LYZL1: variants seen among roughly 807,000 people sequenced by gnomAD.
The protein encoded by LYZL1 is lysozyme like 1, also known as lysozyme-like protein 1.
In LYZL1, 16 loss-of-function variants were observed where a neutral mutation model predicts 17.9. The ratio of observed to expected loss-of-function variants is 0.90; its 90% CI spans 0.61 to 1.36. The LOEUF is 1.36. Among genes scored for constraint, LYZL1 ranks in the 40% most tolerant of loss-of-function variants. The probability of loss-of-function intolerance (pLI) is 0.00; values close to 1 mark genes in which losing one functional copy is unlikely to be tolerated. For synonymous variants in LYZL1, 58 were observed against 71.8 expected (o/e 0.81, Z 0.97); for missense variants, 149 against 188.4 (o/e 0.79, Z 1.22).
intron 3 of LYZL1, among the ~76,000 whole-genome samples, chr10:29,308,682 G>A (rs1835630363): frequency 6.6e-6 from 1 of 152,242 alleles, no homozygotes; most frequent in Non-Finnish European, 1.5e-5. Context: ...TGTAATAAGT[G>A]GCCAGGCACA....
chr10:29,293,007 T>C (rs1256554287), intron 3 of LYZL1, among the ~76,000 whole-genome samples: 4 of 152,190 alleles, frequency 2.6e-5, no homozygotes, highest in African/African-American at 9.6e-5. Context: ...CTGCTTTCCA[T>C]AAGCAATTCG....
chr10:29,306,245 G>A lies in LYZL1; in HGVS notation c.299-3865G>A, dbSNP rs1218161088. Among the ~76,000 whole-genome samples the A allele has an allele frequency of 3.3e-5, 5 of 152,226 alleles. No individual in the cohort carries two copies. The East Asian group carries it at 9.7e-4, about 29-fold the overall frequency. On this transcript the variant is annotated intron_variant, in intron 3 of 4. Transcript: ENST00000649382. ...TGAGTGGCTATAAAGTATCTGAAATGTAGCTAGAAAAAATAAGGAACTTGG... is the reference window on the plus strand; with the variant it reads ...TGAGTGGCTATAAAGTATCTGAAATATAGCTAGAAAAAATAAGGAACTTGG...
downstream of LYZL1, among the ~76,000 whole-genome samples, chr10:29,311,623 T>C (rs1209080794): frequency 6.6e-6 from 1 of 152,204 alleles, no homozygotes; most frequent in Non-Finnish European, 1.5e-5. Flanking sequence ...AAGTTCTCAG[T>C]TGCATTTTTT....
chr10:29,300,629 C>T (rs10826601), intron 3 of LYZL1, among the ~76,000 whole-genome samples: 59,307 of 151,722 alleles, frequency 0.39, 11,884 homozygotes, highest in African/African-American at 0.5. Flanking sequence ...AGTAGTCAAT[C>T]GATATCACTT....
At chr10:29,306,546 T>A (rs1835594161) in intron 3 of LYZL1, among the ~76,000 whole-genome samples, 2 of 52,164 alleles carry the variant, frequency 3.8e-5, no homozygotes, top group Admixed American at 3.6e-4. Context: ...CGAGACTCCG[T>A]CTCAAAAAAA....
rs555608130 is a variant in LYZL1 at position 29,291,106 on chromosome 10, A to G, written c.-25-737A>G. Among the ~76,000 whole-genome samples the G allele has an allele frequency of 2.7e-4, 40 of 149,704 alleles. No homozygotes were observed. The South Asian group carries it at 8.8e-3, about 33-fold the overall frequency. ...GACGCCTGCTCAGTTGAAAATCTGC[A>G]TGTAACTTTTGACTCCCCAGAAACT... On this transcript the variant is annotated intron_variant, in intron 1 of 4. Transcript: ENST00000649382.
At chr10:29,300,989 TTTTTA>T (rs756326362) in intron 3 of LYZL1, among the ~76,000 whole-genome samples, 14 of 151,936 alleles carry the variant, frequency 9.2e-5, no homozygotes, top group Non-Finnish European at 1.8e-4. Context: ...GCCTGGCTGG[TTTTTA>T]TTTTATTTTT....
chr10:29,312,667 C>A (rs2132840429), downstream of LYZL1, among the ~76,000 whole-genome samples: 1 of 152,228 alleles, frequency 6.6e-6, no homozygotes, highest in South Asian at 2.1e-4. Context: ...TCTCAGACCC[C>A]AAAGCGATAT....
intron 1 of LYZL1, among the ~76,000 whole-genome samples, chr10:29,290,149 A>G (rs12242333): frequency 0.05 from 7,563 of 152,204 alleles, 518 homozygotes; most frequent in African/African-American, 0.16. Context: ...GAGAGAAACT[A>G]ATGACTGGAG....
chr10:29,289,170 C>G lies in LYZL1; in HGVS notation c.-86C>G. 6.2e-7 allele frequency: 1 copy of G among 1,605,984 alleles called. No individual in the cohort carries two copies. The highest frequency in any genetic ancestry group is 2.2e-5 in the East Asian group (1 of 44,636). The stretch of plus-strand genomic sequence containing the variant: ...TCACCGACTAAGTGGAGCAGTGTTT[C>G]TTCCGCAGACTCAACTGAGAAGTCA... On this transcript the variant is annotated 5_prime_UTR_variant, in exon 1 of 5. Coordinates refer to ENST00000649382, the MANE Select transcript of LYZL1 (RefSeq NM_032517.6).
downstream of LYZL1, among the ~76,000 whole-genome samples, chr10:29,311,839 G>A (rs963981305): frequency 4.6e-5 from 7 of 151,948 alleles, no homozygotes; most frequent in Non-Finnish European, 1.0e-4. Context: ...TTAGCCGGGC[G>A]TGGTGGTGCG....
downstream of LYZL1, among the ~76,000 whole-genome samples, chr10:29,313,045 T>C (rs2132840737): frequency 1.3e-5 from 2 of 152,268 alleles, no homozygotes; most frequent in East Asian, 3.9e-4. Context: ...AACTGATGGC[T>C]CCTTTCCTGC....
chr10:29,313,226 A>G (rs574439338), downstream of LYZL1, among the ~76,000 whole-genome samples: 63 of 152,378 alleles, frequency 4.1e-4, no homozygotes, highest in African/African-American at 1.4e-3. Flanking sequence ...TAAGAATTGA[A>G]AAGTAATTTT....
chr10:29,294,193 G>A (rs1187647179), intron 3 of LYZL1, among the ~76,000 whole-genome samples: 2 of 152,048 alleles, frequency 1.3e-5, no homozygotes, highest in African/African-American at 4.8e-5. Flanking sequence ...GTGACATGAA[G>A]AGAATCCCAG....
chr10:29,308,421 T>C (rs1258196195), intron 3 of LYZL1, among the ~76,000 whole-genome samples: 2 of 152,238 alleles, frequency 1.3e-5, no homozygotes, highest in Non-Finnish European at 1.5e-5. Context: ...TCCTGCTTCC[T>C]CCACCCCATT....
At chr10:29,301,969 C>T (rs929127485) in intron 3 of LYZL1, among the ~76,000 whole-genome samples, 8 of 151,572 alleles carry the variant, frequency 5.3e-5, no homozygotes, top group African/African-American at 1.7e-4. Context: ...TTTCAGATAC[C>T]GTATTTTTTA....
In LYZL1 at chr10:29,306,370, G is replaced by A. The variant is rs1183323359; in HGVS notation, c.299-3740G>A. Among the ~76,000 whole-genome samples the A allele has an allele frequency of 1.9e-4, 26 of 140,284 alleles. 1 individual carries two copies. Among genetic ancestry groups the A allele is most frequent in the African/African-American group, 6.8e-4 (26 of 38,092 alleles). The allele number at this position is 140,284 out of a possible 152,430, so 92.0% of individuals were successfully genotyped here. A position where few individuals can be genotyped will look rare whatever the true frequency, so the allele number is the denominator to read the frequency against. On this transcript the variant is annotated intron_variant, in intron 3 of 4. Coordinates refer to ENST00000649382, the MANE Select transcript of LYZL1 (RefSeq NM_032517.6). ...TCGAGACCATCCCGGCTAAAACGGT[G>A]AAACCCCGCCTCTACTAAAAATACA...
chr10:29,289,249 T>TTGTC lies in LYZL1; in HGVS notation c.-26+20_-26+21insGTCT, dbSNP rs752804351. 2.0e-5 allele frequency: 13 copies of TTGTC among 654,798 alleles called. 1 individual carries two copies. Among genetic ancestry groups the TTGTC allele is most frequent in the Non-Finnish European group, 2.3e-5 (12 of 512,944 alleles). 40.6% of individuals were successfully genotyped at this position (654,798 alleles called of 1,614,324 possible). ...CTTTTCAGTAAGACCTAAATTACTC[T>TTGTC]TATGAGAACCAGCAATGGCAGGTTC... On this transcript the variant is annotated intron_variant, in intron 1 of 4. Coordinates refer to ENST00000649382, the MANE Select transcript of LYZL1 (RefSeq NM_032517.6).
chr10:29,291,700 AG>A, intron 1 of LYZL1, 142 bp from the exon 2 acceptor site: 1 of 1,048,618 alleles, frequency 9.5e-7, no homozygotes. Context: ...CCTGGACCGT[AG>A]AGTGGCCGGT....
Sources: allele counts gnomAD v4.1 joint callset (sites outside exome capture counted in the v4.1 genomes callset), GRCh38; gene constraint gnomAD v4.1.1; transcripts MANE v1.5; gene names NCBI Gene and HGNC (gene_info 2026-07-23, HGNC 2026-07-21).